PCDH15: variants seen among roughly 807,000 people sequenced by gnomAD.
PCDH15 encodes protocadherin-15.
Under a neutral mutation model 178.5 loss-of-function variants are expected in PCDH15, and 129 were observed. The observed-to-expected ratio is 0.72, with a 90% CI of 0.63 to 0.84. The LOEUF is 0.84. Ranked by LOEUF, PCDH15 falls within the 40% of genes least tolerant of loss-of-function variation. The pLI, the probability that PCDH15 is intolerant of heterozygous loss-of-function variation, is 0.00. For missense variants in PCDH15, 2,230 were observed against 2,099.9 expected, an observed-to-expected ratio of 1.06 and a Z score of -1.21; for synonymous variants, 800 against 732.0, an observed-to-expected ratio of 1.09 and a Z score of -1.50.
At chr10:55,237,937 A>G (rs1057448764) in intron 1 of PCDH15, among the ~76,000 whole-genome samples, 1 of 152,034 alleles carries the variant, frequency 6.6e-6, no homozygotes, top group Non-Finnish European at 1.5e-5. Flanking sequence ...AATTAAAATG[A>G]CTAAAATTTA....
chr10:54,815,843 A>AT (rs1178846584), intron 3 of PCDH15, among the ~76,000 whole-genome samples: 1 of 151,964 alleles, frequency 6.6e-6, no homozygotes, highest in Admixed American at 6.6e-5. Context: ...CTCTAAATGT[A>AT]TTTTTTCTCC....
At chr10:54,514,915 C>A (rs1186979000) in intron 3 of PCDH15, among the ~76,000 whole-genome samples, 3 of 152,106 alleles carry the variant, frequency 2.0e-5, no homozygotes, top group African/African-American at 7.2e-5. Flanking sequence ...ACTTACTCAT[C>A]GAAAAGAAAT....
chr10:53,854,261 A>G (rs778980063), intron 28 of PCDH15, among the ~76,000 whole-genome samples: 109 of 151,998 alleles, frequency 7.2e-4, no homozygotes, highest in Admixed American at 1.4e-3. Context: ...GTCTAGGGGT[A>G]AGGCTGGAAT....
At chr10:54,857,875 T>C (rs145140994) in intron 3 of PCDH15, among the ~76,000 whole-genome samples, 119 of 152,330 alleles carry the variant, frequency 7.8e-4, no homozygotes, top group African/African-American at 2.8e-3. Context: ...TGGGTTACAA[T>C]ACAATGTTTT....
chr10:55,275,162 T>C lies in PCDH15; in HGVS notation c.-156+44437A>G, dbSNP rs866917185. 8.3e-4 allele frequency among the ~76,000 whole-genome samples: 126 copies of C among 151,738 alleles called. 1 individual carries two copies. Among genetic ancestry groups the C allele is most frequent in the African/African-American group, 2.9e-3 (121 of 41,242 alleles). Reference sequence around the variant, plus strand: ...TGATAATATATTTTTTCTTCAATTTTGCAATCTGTTTAATGGTATTTTTTC... The same window carrying C: ...TGATAATATATTTTTTCTTCAATTTCGCAATCTGTTTAATGGTATTTTTTC... On this transcript the variant is annotated intron_variant, in intron 1 of 5. Coordinates refer to the PCDH15 transcript ENST00000458638.
At chr10:55,446,476 A>G (rs181647843) in intron 2 of PCDH15, among the ~76,000 whole-genome samples, 2 of 152,048 alleles carry the variant, frequency 1.3e-5, no homozygotes, top group Non-Finnish European at 2.9e-5. Flanking sequence ...AGTCAAAGTG[A>G]ATCTCCCAAA....
intron 2 of PCDH15, among the ~76,000 whole-genome samples, chr10:54,992,638 C>A (rs184902099): frequency 6.6e-6 from 1 of 151,880 alleles, no homozygotes; most frequent in South Asian, 2.1e-4. Flanking sequence ...GCTTGTAGTC[C>A]CAGCTACTCG....
chr10:55,038,612 C>A (rs1840793729), intron 2 of PCDH15, among the ~76,000 whole-genome samples: 1 of 152,112 alleles, frequency 6.6e-6, no homozygotes, highest in African/African-American at 2.4e-5. Flanking sequence ...GTGGGCAAAC[C>A]CTTAATAACC....
intron 3 of PCDH15, among the ~76,000 whole-genome samples, chr10:54,518,050 A>G (rs1035943088): frequency 1.3e-5 from 2 of 152,346 alleles, no homozygotes; most frequent in Non-Finnish European, 2.9e-5. Context: ...TCTCTGGGAC[A>G]CATTCAAAGC....
At chr10:54,137,470 C>T (rs2043004903) in intron 14 of PCDH15, among the ~76,000 whole-genome samples, 1 of 152,108 alleles carries the variant, frequency 6.6e-6, no homozygotes, top group South Asian at 2.1e-4. Flanking sequence ...ATTGACCCTT[C>T]TGGTCTTAAA....
chr10:54,376,084 G>A (rs1423509305), intron 4 of PCDH15, among the ~76,000 whole-genome samples: 6 of 150,806 alleles, frequency 4.0e-5, no homozygotes, highest in East Asian at 1.9e-4. Context: ...TAGTACAGAC[G>A]GGTTTTCACC....
intron 15 of PCDH15, among the ~76,000 whole-genome samples, chr10:54,119,324 A>C (rs936896344): frequency 1.3e-5 from 2 of 152,290 alleles, no homozygotes; most frequent in South Asian, 4.1e-4. Flanking sequence ...TGGAATCAAA[A>C]AAACTCTTGA....
chr10:54,041,495 A>T (rs2093543413), intron 18 of PCDH15, among the ~76,000 whole-genome samples: 1 of 152,128 alleles, frequency 6.6e-6, no homozygotes, highest in Non-Finnish European at 1.5e-5. Flanking sequence ...ATATTAAAAA[A>T]TAATTGCCTT....
At chr10:55,444,145 G>A (rs1161128975) in intron 2 of PCDH15, among the ~76,000 whole-genome samples, 1 of 147,412 alleles carries the variant, frequency 6.8e-6, no homozygotes, top group African/African-American at 2.5e-5. Flanking sequence ...GGGGTGGGGG[G>A]TAAGGGGAGG....
chr10:54,603,091 T>C (rs1444265233), intron 2 of PCDH15, among the ~76,000 whole-genome samples: 2 of 152,170 alleles, frequency 1.3e-5, no homozygotes, highest in South Asian at 4.1e-4. Context: ...GACTATTCTA[T>C]TTCTTCTTCA....
intron 2 of PCDH15, among the ~76,000 whole-genome samples, chr10:54,978,864 G>C (rs1459955988): frequency 5.9e-5 from 9 of 151,962 alleles, no homozygotes; most frequent in Non-Finnish European, 1.3e-4. Flanking sequence ...ATCTACATGA[G>C]GTATACATGT....
At chr10:54,196,839 A>G (rs1037645212) in intron 10 of PCDH15, among the ~76,000 whole-genome samples, 3 of 152,278 alleles carry the variant, frequency 2.0e-5, no homozygotes, top group Admixed American at 1.3e-4. Flanking sequence ...GAGAACAAGT[A>G]AGAAGGTGGA....
At chr10:54,464,963 AC>A (rs1308378883) in intron 3 of PCDH15, among the ~76,000 whole-genome samples, 3 of 152,112 alleles carry the variant, frequency 2.0e-5, no homozygotes, top group Non-Finnish European at 4.4e-5. Flanking sequence ...AAAAGCAATA[AC>A]ATGCCATGAA....
intron 13 of PCDH15, among the ~76,000 whole-genome samples, chr10:54,169,520 T>C (rs55949032): frequency 0.71 from 96,077 of 136,124 alleles, 35,312 homozygotes; most frequent in Middle Eastern, 0.79. Flanking sequence ...TATTAGGCTG[T>C]GACACTTTAA....
Sources: allele counts gnomAD v4.1 joint callset (sites outside exome capture counted in the v4.1 genomes callset), GRCh38; gene constraint gnomAD v4.1.1; transcripts MANE v1.5; gene names NCBI Gene and HGNC (gene_info 2026-07-23, HGNC 2026-07-21).